MPPED2: variants seen among roughly 807,000 people sequenced by gnomAD.
MPPED2 encodes metallophosphoesterase MPPED2.
Under a neutral mutation model 33.0 loss-of-function variants are expected in MPPED2, and 5 were observed. That is an observed-to-expected ratio of 0.15 (90% CI 0.08 to 0.32). The LOEUF (loss-of-function observed/expected upper bound fraction) is 0.32. Ranked by LOEUF, MPPED2 falls within the 10% of genes least tolerant of loss-of-function variation. The pLI is 1.00. For missense variants in MPPED2, 275 were observed against 372.1 expected, an observed-to-expected ratio of 0.74 and a Z score of 2.15; for synonymous variants, 136 against 141.9, an observed-to-expected ratio of 0.96 and a Z score of 0.29.
intron 3 of MPPED2, among the ~76,000 whole-genome samples, chr11:30,496,191 G>A (rs1952242831): frequency 1.3e-5 from 2 of 152,196 alleles, no homozygotes; most frequent in South Asian, 2.1e-4. Flanking sequence ...GGAAATGTGA[G>A]TTCTCAGTGT....
At chr11:30,482,130 A>C (rs1951518407) in intron 4 of MPPED2, among the ~76,000 whole-genome samples, 1 of 152,194 alleles carries the variant, frequency 6.6e-6, no homozygotes, top group Non-Finnish European at 1.5e-5. Flanking sequence ...CCACTGTAAG[A>C]ATGTACAAAA....
At chr11:30,432,066 G>A (rs1325669018) in intron 4 of MPPED2, among the ~76,000 whole-genome samples, 1 of 151,958 alleles carries the variant, frequency 6.6e-6, no homozygotes, top group African/African-American at 2.4e-5. Context: ...CTACTTGGGA[G>A]GCTGAAGCAT....
intron 4 of MPPED2, among the ~76,000 whole-genome samples, chr11:30,462,999 G>A (rs1052747532): frequency 2.6e-5 from 4 of 152,090 alleles, no homozygotes; most frequent in African/African-American, 7.2e-5. Flanking sequence ...AGAACCTGTG[G>A]TTTTCCTAAA....
intron 2 of MPPED2, among the ~76,000 whole-genome samples, chr11:30,539,464 G>A (rs1954983205): frequency 6.6e-6 from 1 of 152,074 alleles, no homozygotes; most frequent in South Asian, 2.1e-4. Context: ...GACATGGGAA[G>A]ATGAGAAAAA....
At chr11:30,524,928 G>C (rs1420110626) in intron 3 of MPPED2, among the ~76,000 whole-genome samples, 1 of 152,134 alleles carries the variant, frequency 6.6e-6, no homozygotes, top group Non-Finnish European at 1.5e-5. Flanking sequence ...TGGAAAGAGG[G>C]AATGATTAAG....
chr11:30,500,287 C>T (rs1952496271), intron 3 of MPPED2, among the ~76,000 whole-genome samples: 1 of 152,192 alleles, frequency 6.6e-6, no homozygotes, highest in Non-Finnish European at 1.5e-5. Flanking sequence ...CCTCCTCCCT[C>T]TCTGATATTT....
At chr11:30,439,703 C>A (rs978123199) in intron 4 of MPPED2, among the ~76,000 whole-genome samples, 6 of 152,146 alleles carry the variant, frequency 3.9e-5, no homozygotes, top group Admixed American at 2.6e-4. Context: ...CCTCCTATAG[C>A]CCAAGTAAAC....
chr11:30,396,155 A>T (rs1947837812), intron 6 of MPPED2, among the ~76,000 whole-genome samples: 1 of 152,118 alleles, frequency 6.6e-6, no homozygotes, highest in African/African-American at 2.4e-5. Flanking sequence ...CTAAGAAAGG[A>T]ACACTGTCCT....
intron 2 of MPPED2, among the ~76,000 whole-genome samples, chr11:30,557,770 G>C (rs913773607): frequency 6.6e-6 from 1 of 152,180 alleles, no homozygotes; most frequent in African/African-American, 2.4e-5. Flanking sequence ...GAAGATAAGT[G>C]AAAAGTTGCT....
chr11:30,499,605 C>T (rs1340607121), intron 3 of MPPED2, among the ~76,000 whole-genome samples: 1 of 152,154 alleles, frequency 6.6e-6, no homozygotes, highest in East Asian at 1.9e-4. Context: ...GAATCCTCCT[C>T]CTTGGTGAGT....
At chr11:30,468,559 G>A (rs566632955) in intron 4 of MPPED2, among the ~76,000 whole-genome samples, 1 of 152,262 alleles carries the variant, frequency 6.6e-6, no homozygotes, top group African/African-American at 2.4e-5. Flanking sequence ...AAAAGGAGGA[G>A]AAGAGGTAAA....
chr11:30,543,731 CA>C (rs1205156149), intron 2 of MPPED2, among the ~76,000 whole-genome samples: 1 of 140,866 alleles, frequency 7.1e-6, no homozygotes, highest in Non-Finnish European at 1.5e-5. Flanking sequence ...CCAGTTATAA[CA>C]AAAAAACAAA....
At position 30,442,237 on chromosome 11, in the gene MPPED2, C is replaced by G. The variant is rs533323310; in HGVS notation, c.537-24604G>C. On this transcript the variant is annotated intron_variant, in intron 4 of 6. Coordinates refer to ENST00000358117, the MANE Select transcript of MPPED2 (RefSeq NM_001584.3). ...GAAGAGTGGTCTCCAGACTGAAATA[C>G]TCAGGGAGTCTTTTAGAGAACAGAG... 4.5e-4 allele frequency among the ~76,000 whole-genome samples: 69 copies of G among 152,304 alleles called. 1 individual carries two copies. In the South Asian group the frequency reaches 0.014, roughly 31 times the overall value.
chr11:30,451,654 C>T (rs1378162900), intron 4 of MPPED2: 2 of 929,802 alleles, frequency 2.2e-6, no homozygotes, highest in Non-Finnish European at 2.6e-6. Context: ...GCCTGTATTT[C>T]AAATGTTCAC....
chr11:30,500,707 C>T (rs1952517325), intron 3 of MPPED2, among the ~76,000 whole-genome samples: 1 of 152,158 alleles, frequency 6.6e-6, no homozygotes, highest in Non-Finnish European at 1.5e-5. Flanking sequence ...TTGAGTTTTG[C>T]TTTTGCATGT....
chr11:30,528,556 C>T (rs1179169204), intron 3 of MPPED2, among the ~76,000 whole-genome samples: 1 of 152,124 alleles, frequency 6.6e-6, no homozygotes, highest in Non-Finnish European at 1.5e-5. Flanking sequence ...CGTGCCTGGC[C>T]TCATTGTTTA....
chr11:30,462,616 A>G (rs1237339177), intron 4 of MPPED2, among the ~76,000 whole-genome samples: 5 of 152,198 alleles, frequency 3.3e-5, no homozygotes, highest in African/African-American at 9.6e-5. Flanking sequence ...CTGGCCAGCA[A>G]TCTATTTTCC....
At chr11:30,478,427 C>T (rs548157252) in intron 4 of MPPED2, among the ~76,000 whole-genome samples, 2 of 151,588 alleles carry the variant, frequency 1.3e-5, no homozygotes, top group South Asian at 2.1e-4. Flanking sequence ...AGATAAGAAA[C>T]GAGAAAGCAC....
At chr11:30,547,964 T>C (rs1316672555) in intron 2 of MPPED2, among the ~76,000 whole-genome samples, 2 of 152,302 alleles carry the variant, frequency 1.3e-5, no homozygotes, top group Middle Eastern at 3.4e-3. Context: ...AAATTATATA[T>C]ACCTATGTAC....
Sources: allele counts gnomAD v4.1 joint callset (sites outside exome capture counted in the v4.1 genomes callset), GRCh38; gene constraint gnomAD v4.1.1; transcripts MANE v1.5; gene names NCBI Gene and HGNC (gene_info 2026-07-23, HGNC 2026-07-21).